Variants in PAFAH1B1 observed in about 807,000 individuals in gnomAD.
The protein encoded by PAFAH1B1 is platelet activating factor acetylhydrolase 1b regulatory subunit 1, also known as platelet-activating factor acetylhydrolase IB subunit beta.
Under a neutral mutation model 57.5 loss-of-function variants are expected in PAFAH1B1, and 2 were observed. The observed-to-expected ratio is 0.03, with a 90% CI of 0.01 to 0.11. The LOEUF (loss-of-function observed/expected upper bound fraction) is 0.11, where lower values mean the gene tolerates loss of function less well. Ranked by LOEUF, PAFAH1B1 falls within the 10% of genes least tolerant of loss-of-function variation. The pLI is 1.00. For missense variants in PAFAH1B1, 257 were observed against 512.0 expected, an observed-to-expected ratio of 0.50 and a Z score of 4.81; for synonymous variants, 152 against 169.6, an observed-to-expected ratio of 0.90 and a Z score of 0.81.
chr17:2,680,864 G>T, intron 10 of PAFAH1B1: 1 of 175,070 alleles, frequency 5.7e-6, no homozygotes, highest in Non-Finnish European at 1.2e-5. Context: ...CAAGGATTAG[G>T]CACAAATACG....
intron 1 of PAFAH1B1, among the ~76,000 whole-genome samples, chr17:2,605,113 T>C (rs1017105709): frequency 6.6e-6 from 1 of 152,190 alleles, no homozygotes; most frequent in Admixed American, 6.5e-5. Context: ...TTGGAGGTCA[T>C]GTAGACTTCT....
At chr17:2,598,990 A>C (rs2068112235) in intron 1 of PAFAH1B1, among the ~76,000 whole-genome samples, 1 of 152,132 alleles carries the variant, frequency 6.6e-6, no homozygotes, top group Non-Finnish European at 1.5e-5. Flanking sequence ...CATCATAAGC[A>C]CTTATTATTT....
chr17:2,628,482 AT>A (rs2068519224), intron 1 of PAFAH1B1, among the ~76,000 whole-genome samples: 1 of 151,980 alleles, frequency 6.6e-6, no homozygotes, highest in Admixed American at 6.6e-5. Context: ...GTTAGCTAGT[AT>A]TTTTTTAAGG....
At chr17:2,662,129 GATAAAAACAA>G (rs1028236377) in intron 2 of PAFAH1B1, 1 of 152,078 alleles carries the variant, frequency 6.6e-6, no homozygotes, top group Non-Finnish European at 1.5e-5. Context: ...TACCCTAGGG[GATAAAAACAA>G]ATGAAAAGAA....
chr17:2,637,263 G>A lies in PAFAH1B1; in HGVS notation c.-190-836G>A, dbSNP rs116685109. ...CAATCAAATTTTATATATACCAGTA[G>A]CCTCTATTTTAAGTAAGACCATCTC... On this transcript the variant is annotated intron_variant, in intron 1 of 10. Transcript: ENST00000397195. Among the ~76,000 whole-genome samples the A allele has an allele frequency of 4.8e-3, 731 of 152,104 alleles. 8 individuals carry two copies. Among genetic ancestry groups the A allele is most frequent in the South Asian group, 0.029 (140 of 4,822 alleles).
intron 2 of PAFAH1B1, among the ~76,000 whole-genome samples, chr17:2,652,729 G>A (rs2151646560): frequency 6.6e-6 from 1 of 152,282 alleles, no homozygotes; most frequent in Admixed American, 6.5e-5. Context: ...AATAGTTCTA[G>A]GGCTTAGTTT....
At chr17:2,612,757 C>T (rs776716223) in intron 1 of PAFAH1B1, among the ~76,000 whole-genome samples, 6 of 151,936 alleles carry the variant, frequency 3.9e-5, no homozygotes, top group Non-Finnish European at 5.9e-5. Flanking sequence ...TCACAAGATG[C>T]GCACCACTAC....
chr17:2,653,680 AT>A (rs2068897926), intron 2 of PAFAH1B1, among the ~76,000 whole-genome samples: 1 of 152,214 alleles, frequency 6.6e-6, no homozygotes, highest in African/African-American at 2.4e-5. Context: ...ACACGAATGA[AT>A]TTGGATAGTA....
chr17:2,668,422 C>T (rs2069137431), intron 5 of PAFAH1B1, among the ~76,000 whole-genome samples: 1 of 152,156 alleles, frequency 6.6e-6, no homozygotes, highest in Non-Finnish European at 1.5e-5. Flanking sequence ...TGTGGTAGCT[C>T]ATGCCTATAG....
intron 1 of PAFAH1B1, among the ~76,000 whole-genome samples, chr17:2,624,477 G>A (rs968279893): frequency 1.3e-5 from 2 of 152,150 alleles, no homozygotes; most frequent in Non-Finnish European, 2.9e-5. Context: ...GGCTGGGGAG[G>A]CCTCAGAATC....
At chr17:2,623,635 T>TG (rs1324235141) in intron 1 of PAFAH1B1, among the ~76,000 whole-genome samples, 2 of 151,194 alleles carry the variant, frequency 1.3e-5, no homozygotes, top group African/African-American at 4.9e-5. Context: ...TCCCCGTTTT[T>TG]TTTTTTTTTA....
intron 1 of PAFAH1B1, among the ~76,000 whole-genome samples, chr17:2,612,409 T>C (rs969981082): frequency 4.6e-5 from 7 of 151,786 alleles, no homozygotes; most frequent in South Asian, 2.1e-4. Flanking sequence ...GGTTTTGCCA[T>C]GTTGGCCAGG....
intron 5 of PAFAH1B1, among the ~76,000 whole-genome samples, chr17:2,669,209 A>C (rs1209017816): frequency 6.6e-6 from 1 of 152,032 alleles, no homozygotes; most frequent in African/African-American, 2.4e-5. Flanking sequence ...ATTTTTTTAT[A>C]TTAAAAAATG....
intron 5 of PAFAH1B1, 66 bp from the exon 6 acceptor site, chr17:2,670,097 G>A: frequency 7.2e-7 from 1 of 1,385,634 alleles, no homozygotes; most frequent in Non-Finnish European, 1.0e-6. Flanking sequence ...GGCCTGCTGA[G>A]TGCAAATGTG....
At chr17:2,660,557 T>C (rs1180275131) in intron 2 of PAFAH1B1, among the ~76,000 whole-genome samples, 2 of 152,224 alleles carry the variant, frequency 1.3e-5, no homozygotes, top group Non-Finnish European at 2.9e-5. Flanking sequence ...TCTAGCTTCA[T>C]CCATGTCGCC....
chr17:2,675,269 C>T (rs2151668797), intron 8 of PAFAH1B1, among the ~76,000 whole-genome samples: 1 of 152,320 alleles, frequency 6.6e-6, no homozygotes, highest in Middle Eastern at 3.4e-3. Context: ...TCCCAAAGTT[C>T]TGGGATTACA....
intron 2 of PAFAH1B1, chr17:2,639,414 A>G (rs2151635358): frequency 6.6e-6 from 1 of 152,296 alleles, no homozygotes; most frequent in Non-Finnish European, 1.5e-5. Flanking sequence ...GGTAGCTAAT[A>G]AAATAATTAA....
At position 2,626,561 on chromosome 17, in the gene PAFAH1B1, C is replaced by A. The variant is rs9674719; in HGVS notation, c.-190-11538C>A. On this transcript the variant is annotated intron_variant, in intron 1 of 10. Coordinates refer to ENST00000397195, the MANE Select transcript of PAFAH1B1 (RefSeq NM_000430.4). The stretch of plus-strand genomic sequence containing the variant: ...ACCGGCATCACCTTTCTTCCCCCCC[C>A]CCCCCCCCCCGAGGCGGAGTCTTGT... Among the ~76,000 whole-genome samples, 6 of 36,134 alleles carry A rather than the reference C, an allele frequency of 1.7e-4. No homozygotes were observed. The East Asian group carries it at 5.0e-3, about 30-fold the overall frequency. 23.7% of individuals were successfully genotyped at this position (36,134 alleles called of 152,430 possible). A position where few individuals can be genotyped will look rare whatever the true frequency, so the allele number is the denominator to read the frequency against.
chr17:2,625,432 T>C (rs1468728234), intron 1 of PAFAH1B1, among the ~76,000 whole-genome samples: 3 of 152,256 alleles, frequency 2.0e-5, no homozygotes, highest in African/African-American at 4.8e-5. Flanking sequence ...TTTATTTTCA[T>C]ATGTGCTTCT....
Sources: allele counts gnomAD v4.1 joint callset (sites outside exome capture counted in the v4.1 genomes callset), GRCh38; gene constraint gnomAD v4.1.1; transcripts MANE v1.5; gene names NCBI Gene and HGNC (gene_info 2026-07-23, HGNC 2026-07-21).